Variants in METTL15 observed in about 807,000 individuals in gnomAD.
The protein encoded by METTL15 is 12S rRNA N(4)-cytidine methyltransferase METTL15.
A neutral mutation model predicts 38.3 loss-of-function variants in METTL15; 34 were observed. That is an observed-to-expected ratio of 0.89 (90% CI 0.68 to 1.18). The LOEUF is 1.18. Among genes scored for constraint, METTL15 ranks in the 50% most tolerant of loss-of-function variants. METTL15 has a pLI of 0.00. For synonymous variants in METTL15, 162 were observed against 170.9 expected, an observed-to-expected ratio of 0.95 and a Z score of 0.41; for missense variants, 438 against 498.4, an observed-to-expected ratio of 0.88 and a Z score of 1.15.
intron 6 of METTL15, among the ~76,000 whole-genome samples, chr11:28,449,836 G>A (rs1851105860): frequency 6.6e-6 from 1 of 152,156 alleles, no homozygotes; most frequent in Non-Finnish European, 1.5e-5. Context: ...GAAGAGCCCA[G>A]CCGAGATCAG....
intron 4 of METTL15, among the ~76,000 whole-genome samples, chr11:28,223,548 C>T (rs1449764488): frequency 1.3e-5 from 2 of 152,026 alleles, no homozygotes; most frequent in Non-Finnish European, 2.9e-5. Context: ...AGAGTAAACA[C>T]CTTTTGAAGA....
chr11:28,235,059 G>A (rs1282769352), intron 4 of METTL15, among the ~76,000 whole-genome samples: 1 of 152,136 alleles, frequency 6.6e-6, no homozygotes, highest in Non-Finnish European at 1.5e-5. Context: ...TTATTAAATA[G>A]GGACTCCTTT....
At chr11:28,188,941 A>G (rs1590129747) in intron 3 of METTL15, among the ~76,000 whole-genome samples, 1 of 151,282 alleles carries the variant, frequency 6.6e-6, no homozygotes, top group Non-Finnish European at 1.5e-5. Context: ...ATTTTTAGTA[A>G]TCTATTCATC....
At chr11:28,208,660 A>G (rs1852478598) in intron 3 of METTL15, among the ~76,000 whole-genome samples, 1 of 152,124 alleles carries the variant, frequency 6.6e-6, no homozygotes, top group African/African-American at 2.4e-5. Flanking sequence ...ATTCCTGAGT[A>G]TCCTTGTTAA....
chr11:28,317,914 C>T (rs1857537004), intron 6 of METTL15, among the ~76,000 whole-genome samples: 1 of 152,094 alleles, frequency 6.6e-6, no homozygotes, highest in African/African-American at 2.4e-5. Context: ...TAGAATATTT[C>T]TGGAGGTAAA....
intron 4 of METTL15, among the ~76,000 whole-genome samples, chr11:28,228,367 A>G (rs1853563655): frequency 6.6e-6 from 1 of 151,894 alleles, no homozygotes. Context: ...CCACTCTGCT[A>G]CTCAGTTTTC....
chr11:28,164,241 A>G (rs1481258498), intron 3 of METTL15: 1 of 152,066 alleles, frequency 6.6e-6, no homozygotes, highest in Non-Finnish European at 1.5e-5. Context: ...TTACTTAAAA[A>G]CACACATTAG....
chr11:28,276,899 A>G (rs1164358333), intron 4 of METTL15, among the ~76,000 whole-genome samples: 1 of 152,176 alleles, frequency 6.6e-6, no homozygotes, highest in East Asian at 1.9e-4. Flanking sequence ...ATCTCTCTTC[A>G]TATATAAAAA....
chr11:28,315,785 G>A lies in METTL15; in HGVS notation c.779-14611G>A, dbSNP rs1179819093. Among the ~76,000 whole-genome samples the A allele has an allele frequency of 7.9e-5, 12 of 152,350 alleles. No individual in the cohort carries two copies. In the South Asian group the frequency reaches 1.0e-3, roughly 13 times the overall value. On this transcript the variant is annotated intron_variant, in intron 6 of 6. Transcript: ENST00000407364. Reference sequence around the variant, plus strand: ...CCTGCGTTCCAGCCACTCTAGCCATGGCTGAAAGAGGCCAAGTTACAGCTC... The same window carrying A: ...CCTGCGTTCCAGCCACTCTAGCCATAGCTGAAAGAGGCCAAGTTACAGCTC...
intron 6 of METTL15, among the ~76,000 whole-genome samples, chr11:28,509,049 A>G (rs542631289): frequency 2.6e-5 from 4 of 152,294 alleles, no homozygotes; most frequent in South Asian, 4.1e-4. Context: ...TTGACTAGGT[A>G]GTGTCCACCT....
intron 5 of METTL15, among the ~76,000 whole-genome samples, chr11:28,423,877 A>T (rs1850842268): frequency 6.6e-6 from 1 of 152,142 alleles, no homozygotes; most frequent in Non-Finnish European, 1.5e-5. Flanking sequence ...TGTAACACAA[A>T]AGATAAATGT....
chr11:28,142,229 AG>A (rs1310305723), intron 3 of METTL15, among the ~76,000 whole-genome samples: 2 of 152,170 alleles, frequency 1.3e-5, no homozygotes, highest in African/African-American at 4.8e-5. Flanking sequence ...AGTGGACTAG[AG>A]GAGATTGGTT....
chr11:28,484,361 C>T (rs1851420646), intron 6 of METTL15, among the ~76,000 whole-genome samples: 1 of 152,170 alleles, frequency 6.6e-6, no homozygotes, highest in Non-Finnish European at 1.5e-5. Flanking sequence ...CTCTCCTAAC[C>T]ACTGGGCGAC....
intron 3 of METTL15, among the ~76,000 whole-genome samples, chr11:28,210,251 C>T (rs1481558953): frequency 6.6e-6 from 1 of 151,920 alleles, no homozygotes; most frequent in Non-Finnish European, 1.5e-5. Context: ...ATCATGTTGT[C>T]CTGGCAAAAT....
intron 5 of METTL15, among the ~76,000 whole-genome samples, chr11:28,412,210 A>G (rs1850733619): frequency 2.0e-5 from 3 of 151,938 alleles, no homozygotes; most frequent in Non-Finnish European, 4.4e-5. Context: ...TAAAAATAAA[A>G]CTACCTTATG....
chr11:28,224,941 A>G (rs1853411973), intron 4 of METTL15, among the ~76,000 whole-genome samples: 2 of 151,746 alleles, frequency 1.3e-5, no homozygotes, highest in South Asian at 4.1e-4. Context: ...CGTCTTCACT[A>G]GTGATTTAGT....
intron 4 of METTL15, among the ~76,000 whole-genome samples, chr11:28,231,975 A>C (rs1853704085): frequency 6.6e-6 from 1 of 151,952 alleles, no homozygotes; most frequent in Admixed American, 6.6e-5. Context: ...CTAGATGAAT[A>C]AATGAATGGA....
chr11:28,462,887 T>G (rs1021706923), intron 6 of METTL15, among the ~76,000 whole-genome samples: 2 of 152,142 alleles, frequency 1.3e-5, no homozygotes, highest in Non-Finnish European at 2.9e-5. Context: ...TGCCAATTTA[T>G]GAAGGGTTCT....
intron 5 of METTL15, among the ~76,000 whole-genome samples, chr11:28,381,568 C>T (rs1443602445): frequency 6.6e-6 from 1 of 151,508 alleles, no homozygotes. Context: ...TCTTTTTTAT[C>T]CTCTGACTAT....
Sources: allele counts gnomAD v4.1 joint callset (sites outside exome capture counted in the v4.1 genomes callset), GRCh38; gene constraint gnomAD v4.1.1; transcripts MANE v1.5; gene names NCBI Gene and HGNC (gene_info 2026-07-23, HGNC 2026-07-21).